Variants in POTEC observed in about 807,000 individuals in gnomAD.
The protein encoded by POTEC is POTE ankyrin domain family member C, also known as ANKRD26-like family B member 2.
POTEC carries 35 observed loss-of-function variants against 62.0 expected under a neutral mutation model. That is an observed-to-expected ratio of 0.56 (90% CI 0.43 to 0.75). POTEC has a LOEUF of 0.75. Ranked by LOEUF, POTEC falls within the 30% of genes least tolerant of loss-of-function variation. The pLI is 0.00. For missense variants in POTEC, 472 were observed against 655.9 expected, an observed-to-expected ratio of 0.72 and a Z score of 3.06; for synonymous variants, 156 against 221.5, an observed-to-expected ratio of 0.70 and a Z score of 2.62.
chr18:14,519,647 G>A (rs1910256993), intron 9 of POTEC, among the ~76,000 whole-genome samples: 1 of 151,388 alleles, frequency 6.6e-6, no homozygotes, highest in African/African-American at 2.4e-5. Flanking sequence ...AATCCAGGAG[G>A]CAGAGGTTGT....
In POTEC at chr18:14,509,261, G is replaced by C. The variant is rs1423014461; in HGVS notation, c.*2637C>G. The C allele has an allele frequency of 3.3e-5, 5 of 152,342 alleles. No individual in the cohort carries two copies. Among genetic ancestry groups the C allele is most frequent in the Admixed American group, 6.5e-5 (1 of 15,288 alleles). The allele number at this position is 152,342 out of a possible 1,614,324, so 9.4% of individuals were successfully genotyped here. On this transcript the variant is annotated 3_prime_UTR_variant, in exon 11 of 11. Coordinates refer to ENST00000358970, the MANE Select transcript of POTEC (RefSeq NM_001137671.2). ...TGCTGTTGCACTGGAGGTAGTGCTG[G>C]TTTGGGGTGGGTGGCTGGCCAGTGA... is the stretch of plus-strand genomic sequence containing the variant.
intron 3 of POTEC, 83 bp from the exon 4 acceptor site, chr18:14,535,090 C>T (rs1390411220): frequency 7.7e-6 from 12 of 1,567,030 alleles, no homozygotes; most frequent in Non-Finnish European, 9.5e-6. Flanking sequence ...TATGGACTTA[C>T]ACTCACAGAA....
chr18:14,513,021 A>G (rs1233314609), intron 10 of POTEC, among the ~76,000 whole-genome samples: 1 of 152,240 alleles, frequency 6.6e-6, no homozygotes, highest in African/African-American at 2.4e-5. Context: ...TAATGTTTGA[A>G]ACATTATAGT....
At chr18:14,532,165 C>G (rs543000668) in intron 5 of POTEC, among the ~76,000 whole-genome samples, 3 of 152,112 alleles carry the variant, frequency 2.0e-5, no homozygotes, top group African/African-American at 7.2e-5. Flanking sequence ...CCCTCTGACC[C>G]TTTATAACAA....
In POTEC at chr18:14,524,964, T is replaced by G; in HGVS notation, c.1146A>C (p.Thr382=). The G allele has an allele frequency of 6.2e-7, 1 of 1,603,818 alleles. No homozygotes were observed. The highest frequency in any genetic ancestry group is 8.5e-7 in the Non-Finnish European group (1 of 1,176,066). ...NSNPEQDLKL[T]SEEESQRLKV... is the part of the protein sequence containing the mutation. ...TAAGCCTTTGTGACTCTTCCTCTGA[T>G]GTTAGCTTTAAGTCTTGTTCTGTTG... The change falls in exon 7 of 11, where the codon ACA becomes ACC. Residue 382 remains threonine, a synonymous_variant. Coordinates refer to ENST00000358970, the MANE Select transcript of POTEC (RefSeq NM_001137671.2).
At chr18:14,515,290 G>A (rs1157256758) in intron 9 of POTEC, among the ~76,000 whole-genome samples, 4 of 152,104 alleles carry the variant, frequency 2.6e-5, no homozygotes, top group African/African-American at 9.7e-5. Context: ...CACATTACCT[G>A]ACTTCAAATT....
chr18:14,530,884 C>G (rs1420290522), intron 5 of POTEC, among the ~76,000 whole-genome samples: 1 of 152,162 alleles, frequency 6.6e-6, no homozygotes, highest in East Asian at 1.9e-4. Flanking sequence ...AATTTCTTCT[C>G]TTAGGCTCAA....
intron 9 of POTEC, among the ~76,000 whole-genome samples, chr18:14,522,027 G>GA (rs1314089903): frequency 1.3e-5 from 2 of 152,056 alleles, no homozygotes; most frequent in Non-Finnish European, 2.9e-5. Context: ...AAAAAGAAAA[G>GA]AAAATGCCTT....
chr18:14,517,474 G>A (rs1232248166), intron 9 of POTEC, among the ~76,000 whole-genome samples: 4 of 151,946 alleles, frequency 2.6e-5, no homozygotes, highest in Non-Finnish European at 5.9e-5. Context: ...TTCCAACTCT[G>A]TCTCTTTATT....
chr18:14,532,248 C>T (rs9635837), intron 5 of POTEC, among the ~76,000 whole-genome samples: 2 of 152,142 alleles, frequency 1.3e-5, no homozygotes, highest in African/African-American at 4.8e-5. Flanking sequence ...GGTCTCAGCT[C>T]ATTCTTGGCT....
chr18:14,507,726 T>A lies in POTEC; in HGVS notation c.*4172A>T, dbSNP rs1410046378. On this transcript the variant is annotated 3_prime_UTR_variant, in exon 11 of 11. Coordinates refer to ENST00000358970, the MANE Select transcript of POTEC (RefSeq NM_001137671.2). The stretch of plus-strand genomic sequence containing the variant: ...TGTAGTGGCTGGTGGTGGTCTTTTC[T>A]TTCCATATTTAGTGCTTCCTTCAGG... 1 of 152,210 alleles carries A rather than the reference T, an allele frequency of 6.6e-6. No individual in the cohort carries two copies. The highest frequency in any genetic ancestry group is 1.5e-5 in the Non-Finnish European group (1 of 68,040). 9.4% of individuals were successfully genotyped at this position (152,210 alleles called of 1,614,324 possible). A position where few individuals can be genotyped will look rare whatever the true frequency, so the allele number is the denominator to read the frequency against.
intron 7 of POTEC, among the ~76,000 whole-genome samples, chr18:14,523,721 C>T (rs1043482732): frequency 1.4e-4 from 21 of 152,204 alleles, no homozygotes; most frequent in African/African-American, 5.1e-4. Flanking sequence ...GCTACTGCCA[C>T]ATCATTGGCT....
At chr18:14,531,019 A>C (rs1443462848) in intron 5 of POTEC, among the ~76,000 whole-genome samples, 1 of 151,920 alleles carries the variant, frequency 6.6e-6, no homozygotes, top group Non-Finnish European at 1.5e-5. Context: ...CTGTTCCTAA[A>C]CTTTATGACT....
intron 6 of POTEC, among the ~76,000 whole-genome samples, chr18:14,525,538 T>C (rs1910414286): frequency 6.6e-6 from 1 of 151,818 alleles, no homozygotes; most frequent in South Asian, 2.1e-4. Flanking sequence ...CAAATGCATA[T>C]ATTTTGCAAA....
intron 9 of POTEC, among the ~76,000 whole-genome samples, chr18:14,517,633 G>A (rs906465143): frequency 6.6e-6 from 1 of 152,142 alleles, no homozygotes; most frequent in Non-Finnish European, 1.5e-5. Flanking sequence ...AGGCCGAAGT[G>A]GGTGGATCAC....
rs973768392 is a variant in POTEC, at chr18:14,509,646, C to T, written c.*2252G>A. ...ACTGATCAGGCACGGTCCGCTTGTA[C>T]AGAAGCTATGGTGTGGGCACCCGAA... On this transcript the variant is annotated 3_prime_UTR_variant, in exon 11 of 11. Coordinates refer to ENST00000358970, the MANE Select transcript of POTEC (RefSeq NM_001137671.2). 2.6e-5 allele frequency: 4 copies of T among 151,794 alleles called. No individual in the cohort carries two copies. The highest frequency in any genetic ancestry group is 4.8e-5 in the African/African-American group (2 of 41,306). The allele number at this position is 151,794 out of a possible 1,614,324, so 9.4% of individuals were successfully genotyped here. A position where few individuals can be genotyped will look rare whatever the true frequency, so the allele number is the denominator to read the frequency against.
intron 6 of POTEC, among the ~76,000 whole-genome samples, chr18:14,525,199 C>A (rs543001012): frequency 1.1e-4 from 17 of 148,072 alleles, no homozygotes; most frequent in Admixed American, 4.8e-4. Flanking sequence ...ATTCATCCAC[C>A]CCACATAAAT....
chr18:14,530,600 A>T (rs1905477031), intron 5 of POTEC, 47 bp from the exon 6 acceptor site: 1 of 1,345,152 alleles, frequency 7.4e-7, no homozygotes, highest in Non-Finnish European at 1.0e-6. Flanking sequence ...TAATACTGAT[A>T]TAAAAAATAC....
intron 4 of POTEC, among the ~76,000 whole-genome samples, chr18:14,534,388 G>C (rs1161949707): frequency 6.6e-6 from 1 of 151,934 alleles, no homozygotes; most frequent in Non-Finnish European, 1.5e-5. Flanking sequence ...CACAGTATGT[G>C]GGAATAGCAA....
Sources: allele counts gnomAD v4.1 joint callset (sites outside exome capture counted in the v4.1 genomes callset), GRCh38; gene constraint gnomAD v4.1.1; transcripts MANE v1.5; gene names NCBI Gene and HGNC (gene_info 2026-07-23, HGNC 2026-07-21).